TMEM132B: variants seen among roughly 807,000 people sequenced by gnomAD.
The protein encoded by TMEM132B is transmembrane protein 132B.
Under a neutral mutation model 90.8 loss-of-function variants are expected in TMEM132B, and 18 were observed. That is an observed-to-expected ratio of 0.20 (90% CI 0.14 to 0.29). TMEM132B has a LOEUF of 0.29. TMEM132B is among the 10% of genes least tolerant of loss of function. The pLI, the probability that TMEM132B is intolerant of heterozygous loss-of-function variation, is 1.00. For synonymous variants in TMEM132B, 504 were observed against 523.3 expected, an observed-to-expected ratio of 0.96 and a Z score of 0.50; for missense variants, 1,096 against 1,326.8, an observed-to-expected ratio of 0.83 and a Z score of 2.70.
chr12:125,343,702 C>CT (rs1175710104), intron 1 of TMEM132B, among the ~76,000 whole-genome samples: 1 of 152,224 alleles, frequency 6.6e-6, no homozygotes, highest in African/African-American at 2.4e-5. Context: ...ACTGGCATGA[C>CT]TGGTAAATAT....
Position 125,660,187 on chromosome 12 carries a change from T to G in TMEM132B, c.*5477T>G, listed in dbSNP as rs982390986. ...TCACTTGAACCTGAGAGGTGAAGGT[T>G]GTAGTGAGCCAAGATCGTACCACTG... On this transcript the variant is annotated 3_prime_UTR_variant, in exon 9 of 9. Coordinates refer to ENST00000682704, the MANE Select transcript of TMEM132B (RefSeq NM_001366854.1). 7 of 152,244 alleles carry G rather than the reference T, an allele frequency of 4.6e-5. No individual in the cohort carries two copies. Among genetic ancestry groups the G allele is most frequent in the African/African-American group, 1.4e-4 (6 of 41,444 alleles). The allele number at this position is 152,244 out of a possible 1,614,324, so 9.4% of individuals were successfully genotyped here.
chr12:125,589,306 C>T (rs1049709721), intron 5 of TMEM132B, among the ~76,000 whole-genome samples: 76 of 151,898 alleles, frequency 5.0e-4, no homozygotes, highest in Middle Eastern at 3.4e-3. Context: ...CACGGTGAAA[C>T]CCTGTCTCTA....
chr12:125,467,451 TCTC>T (rs1321265734), intron 3 of TMEM132B, among the ~76,000 whole-genome samples: 1 of 151,830 alleles, frequency 6.6e-6, no homozygotes, highest in African/African-American at 2.4e-5. Flanking sequence ...CTCTTCTTCT[TCTC>T]CTTTGGAAAA....
intron 2 of TMEM132B, among the ~76,000 whole-genome samples, chr12:125,398,532 G>C (rs182809352): frequency 2.0e-5 from 3 of 152,154 alleles, no homozygotes; most frequent in Non-Finnish European, 2.9e-5. Context: ...GACTGGCGGT[G>C]GGGGGGATGT....
intron 1 of TMEM132B, among the ~76,000 whole-genome samples, chr12:125,190,131 C>T (rs1275250649): frequency 6.6e-6 from 1 of 152,100 alleles, no homozygotes; most frequent in Non-Finnish European, 1.5e-5. Context: ...GGCACAGGGA[C>T]CGCCTGTTCA....
chr12:125,591,104 G>T (rs17437409), intron 5 of TMEM132B, among the ~76,000 whole-genome samples: 3,423 of 152,174 alleles, frequency 0.022, 62 homozygotes, highest in South Asian at 0.054. Flanking sequence ...GCCAAATATT[G>T]TTCCTATGAT....
At chr12:125,412,069 A>T (rs961384629) in intron 2 of TMEM132B, among the ~76,000 whole-genome samples, 8 of 152,060 alleles carry the variant, frequency 5.3e-5, no homozygotes, top group Non-Finnish European at 7.4e-5. Context: ...GTCTCCCCGC[A>T]CTGGACCCTC....
chr12:125,270,112 T>TTGTGTGTGTGTG (rs59168219), intron 1 of TMEM132B, among the ~76,000 whole-genome samples: 9,907 of 143,126 alleles, frequency 0.069, 362 homozygotes, highest in South Asian at 0.084. Context: ...CACATCTTTG[T>TTGTGTGTGTGTG]TGTGTGTGTG....
intron 1 of TMEM132B, among the ~76,000 whole-genome samples, chr12:125,223,503 A>ATG (rs1291350959): frequency 6.6e-6 from 1 of 152,212 alleles, no homozygotes; most frequent in Admixed American, 6.5e-5. Context: ...TTTTTGTGGT[A>ATG]AAATACACAC....
At chr12:125,652,297 C>A in intron 7 of TMEM132B, 144 bp from the exon 8 acceptor site, 1 of 651,126 alleles carries the variant, frequency 1.5e-6, no homozygotes, top group Non-Finnish European at 2.5e-6. Context: ...GATTGAACAA[C>A]GGCATAATAC....
chr12:125,531,206 GAC>G (rs1419538683), intron 4 of TMEM132B, among the ~76,000 whole-genome samples: 2 of 151,720 alleles, frequency 1.3e-5, no homozygotes, highest in African/African-American at 4.9e-5. Context: ...TTGTTTTTGA[GAC>G]AGAGTCTTGC....
intron 1 of TMEM132B, among the ~76,000 whole-genome samples, chr12:125,218,218 G>C: frequency 6.6e-6 from 1 of 152,178 alleles, no homozygotes; most frequent in East Asian, 1.9e-4. Context: ...GATGGGAGGT[G>C]ATAATGTTGT....
At chr12:125,611,131 A>G (rs1885814373) in intron 5 of TMEM132B, among the ~76,000 whole-genome samples, 1 of 151,796 alleles carries the variant, frequency 6.6e-6, no homozygotes, top group South Asian at 2.1e-4. Flanking sequence ...ACCAATTTTT[A>G]TTTGTCTTTT....
chr12:125,434,792 A>C (rs1814499), intron 3 of TMEM132B, among the ~76,000 whole-genome samples: 1 of 152,118 alleles, frequency 6.6e-6, no homozygotes, highest in Admixed American at 6.5e-5. Context: ...TGGGTAACCA[A>C]TTCCCTGCAC....
chr12:125,191,499 TC>T (rs1464398532), intron 1 of TMEM132B, among the ~76,000 whole-genome samples: 1 of 152,144 alleles, frequency 6.6e-6, no homozygotes, highest in Non-Finnish European at 1.5e-5. Context: ...CAAATTTCAC[TC>T]TCTAGCCTTG....
At chr12:125,361,625 G>C (rs551573360) in intron 2 of TMEM132B, among the ~76,000 whole-genome samples, 8 of 152,184 alleles carry the variant, frequency 5.3e-5, no homozygotes, top group Non-Finnish European at 1.2e-4. Context: ...GATTTTGGTA[G>C]AGCTTGGAAA....
At chr12:125,331,211 C>T (rs1331985997) in intron 1 of TMEM132B, among the ~76,000 whole-genome samples, 3 of 152,228 alleles carry the variant, frequency 2.0e-5, no homozygotes, top group African/African-American at 7.2e-5. Flanking sequence ...GCTCCCGGGT[C>T]GGTCCCCTCC....
chr12:125,555,026 C>T (rs1275468164), intron 4 of TMEM132B, among the ~76,000 whole-genome samples: 1 of 152,064 alleles, frequency 6.6e-6, no homozygotes, highest in Non-Finnish European at 1.5e-5. Flanking sequence ...AACCAGTCAC[C>T]AAGAGAATGT....
chr12:125,542,546 C>T (rs1883984984), intron 4 of TMEM132B, among the ~76,000 whole-genome samples: 1 of 152,190 alleles, frequency 6.6e-6, no homozygotes, highest in South Asian at 2.1e-4. Flanking sequence ...TGCTTTCTGC[C>T]TCTGTGATTT....
Sources: gnomAD v4.1 joint callset for allele counts (sites outside exome capture counted in the v4.1 genomes callset) on GRCh38, gnomAD v4.1.1 for gene constraint, MANE v1.5 for transcripts, NCBI Gene and HGNC (gene_info 2026-07-23, HGNC 2026-07-21) for gene names.